POLA1: variants seen among roughly 807,000 people sequenced by gnomAD.
POLA1 encodes DNA polymerase alpha 1, catalytic subunit, also known as DNA polymerase alpha catalytic subunit.
A neutral mutation model predicts 124.0 loss-of-function variants in POLA1; 15 were observed. The observed-to-expected ratio is 0.12, with a 90% CI of 0.08 to 0.19. The LOEUF is 0.19. POLA1 is among the 10% of genes least tolerant of loss of function. The pLI is 1.00. For synonymous variants in POLA1, 408 were observed against 389.4 expected (o/e 1.05, Z -0.56); for missense variants, 886 against 1,103.4 (o/e 0.80, Z 2.79).
intron 36 of POLA1, among the ~76,000 whole-genome samples, chrX:24,970,910 G>A (rs1456275241): frequency 1.8e-5 from 2 of 111,950 alleles, no homozygotes; most frequent in Non-Finnish European, 3.8e-5. Context: ...CTTGCCCATG[G>A]AACAGGGTCA....
chrX:24,961,094 A>G (rs1231145831), intron 36 of POLA1, among the ~76,000 whole-genome samples: 1 of 111,785 alleles, frequency 8.9e-6, no homozygotes, highest in African/African-American at 3.3e-5. Context: ...AGACATTTGC[A>G]GCTAGCTGTT....
At chrX:24,704,676 G>A (rs1928678959) in intron 4 of POLA1, among the ~76,000 whole-genome samples, 1 of 111,969 alleles carries the variant, frequency 8.9e-6, no homozygotes, top group Admixed American at 9.5e-5. Context: ...AGGAAATGAA[G>A]TTTCATGTCT....
At chrX:24,925,170 A>G (rs1391566569) in intron 35 of POLA1, among the ~76,000 whole-genome samples, 1 of 112,217 alleles carries the variant, frequency 8.9e-6, no homozygotes, top group African/African-American at 3.2e-5. Context: ...TGGATTATCT[A>G]TGCTTCTACT....
At chrX:24,713,964 AAAAC>A (rs1476012188) in intron 4 of POLA1, among the ~76,000 whole-genome samples, 1 of 111,756 alleles carries the variant, frequency 8.9e-6, no homozygotes, top group African/African-American at 3.3e-5. Context: ...TTCTGTGGGG[AAAAC>A]AAACCCAAAT....
At position 24,812,873 on chromosome X, in the gene POLA1, G is replaced by A; in HGVS notation, c.3296+10G>A. 20 of 1,111,605 alleles carry A rather than the reference G, an allele frequency of 1.8e-5. No homozygotes were observed. The Middle Eastern group carries it at 5.0e-3, about 275-fold the overall frequency. 91.6% of individuals were successfully genotyped at this position (1,111,605 alleles called of 1,213,427 possible). A position where few individuals can be genotyped will look rare whatever the true frequency, so the allele number is the denominator to read the frequency against. On this transcript the variant is annotated intron_variant, in intron 29 of 36. Transcript: ENST00000379068. ...CTAAAGACACTGGAAAGTGAGTTCA[G>A]CTTTCAGTTTTGCTTTTCTTGTTTG...
chrX:24,708,372 CTTTTTTT>C (rs397799733), intron 4 of POLA1, among the ~76,000 whole-genome samples: 1 of 80,054 alleles, frequency 1.2e-5, no homozygotes, highest in Non-Finnish European at 2.4e-5. Flanking sequence ...CATGAAAATA[CTTTTTTT>C]TTTTTTTTTT....
intron 1 of POLA1, among the ~76,000 whole-genome samples, chrX:24,696,223 C>G (rs745901960): frequency 8.9e-6 from 1 of 112,359 alleles, no homozygotes; most frequent in African/African-American, 3.2e-5. Context: ...GCTGCAGGAA[C>G]CAACTCTACC....
At chrX:24,902,209 TAA>T (rs1157175065) in intron 35 of POLA1, among the ~76,000 whole-genome samples, 1 of 112,152 alleles carries the variant, frequency 8.9e-6, no homozygotes, top group Non-Finnish European at 1.9e-5. Flanking sequence ...GAGGAGATGA[TAA>T]GAGAAGATTG....
intron 34 of POLA1, among the ~76,000 whole-genome samples, chrX:24,844,202 T>C (rs958306468): frequency 8.9e-6 from 1 of 111,886 alleles, no homozygotes. Flanking sequence ...TTTTCTGGCA[T>C]TCAAAAGAGA....
chrX:24,992,453 A>G (rs898269857), intron 36 of POLA1, among the ~76,000 whole-genome samples: 2 of 112,774 alleles, frequency 1.8e-5, no homozygotes, highest in African/African-American at 3.2e-5. Flanking sequence ...CACAGAGACA[A>G]TTATGACTGA....
intron 23 of POLA1, chrX:24,744,536 A>G (rs1408247154): frequency 2.8e-6 from 1 of 352,989 alleles, no homozygotes; most frequent in African/African-American, 2.7e-5. Context: ...TTCCTTTGCA[A>G]GTAAAAAGGG....
intron 36 of POLA1, among the ~76,000 whole-genome samples, chrX:24,931,727 C>T (rs778315910): frequency 8.9e-6 from 1 of 111,979 alleles, no homozygotes; most frequent in Admixed American, 9.4e-5. Context: ...ATGTCTAGCC[C>T]ATATATACTT....
intron 26 of POLA1, among the ~76,000 whole-genome samples, chrX:24,754,147 A>C (rs1932467269): frequency 8.9e-6 from 1 of 111,935 alleles, no homozygotes. Context: ...AAAGAGAATG[A>C]GTGACTATGA....
chrX:24,870,931 C>G (rs2046855678), intron 34 of POLA1, among the ~76,000 whole-genome samples: 1 of 111,701 alleles, frequency 9.0e-6, no homozygotes, highest in Admixed American at 9.5e-5. Context: ...GATGGCAGAT[C>G]TTTTCCTTAC....
chrX:24,727,564 A>G (rs1930616990), intron 14 of POLA1, among the ~76,000 whole-genome samples: 2 of 111,888 alleles, frequency 1.8e-5, no homozygotes, highest in South Asian at 7.5e-4. Context: ...GATGAAAGCT[A>G]TAGACCTCTT....
chrX:24,842,918 CACA>C (rs772236391), intron 33 of POLA1, among the ~76,000 whole-genome samples: 5 of 111,830 alleles, frequency 4.5e-5, no homozygotes, highest in African/African-American at 6.5e-5. Context: ...TAAAACAAAA[CACA>C]ACAAAACAAA....
intron 4 of POLA1, among the ~76,000 whole-genome samples, chrX:24,710,128 T>G (rs1220306592): frequency 1.8e-5 from 2 of 110,987 alleles, no homozygotes; most frequent in African/African-American, 6.5e-5. Context: ...TTTTTTTTTT[T>G]TTTTACTGTG....
chrX:24,975,899 A>G (rs1312644168), intron 36 of POLA1, among the ~76,000 whole-genome samples: 1 of 112,618 alleles, frequency 8.9e-6, no homozygotes, highest in Non-Finnish European at 1.9e-5. Flanking sequence ...TCAGCAGTAG[A>G]CGTCAAGGAT....
chrX:24,877,309 G>C (rs1040223743), intron 34 of POLA1, among the ~76,000 whole-genome samples: 1 of 111,652 alleles, frequency 9.0e-6, no homozygotes, highest in African/African-American at 3.3e-5. Context: ...CTGGAGAGAC[G>C]GTGCTTTTTC....
Sources: gnomAD v4.1 joint callset for allele counts (sites outside exome capture counted in the v4.1 genomes callset) on GRCh38, gnomAD v4.1.1 for gene constraint, MANE v1.5 for transcripts, NCBI Gene and HGNC (gene_info 2026-07-23, HGNC 2026-07-21) for gene names.